The following HFM1 variants were observed in gnomAD, a reference collection of about 807,000 sequenced individuals.
HFM1 encodes the protein probable ATP-dependent DNA helicase HFM1.
In HFM1, 169 loss-of-function variants were observed where a neutral mutation model predicts 192.1. The observed-to-expected ratio is 0.88, with a 90% CI of 0.78 to 1.00. HFM1 has a LOEUF of 1.00. Ranked by LOEUF, HFM1 falls within the 50% of genes least tolerant of loss-of-function variation. The probability of loss-of-function intolerance (pLI) is 0.00; values close to 1 mark genes in which losing one functional copy is unlikely to be tolerated. For synonymous variants in HFM1, 525 were observed against 537.8 expected, an observed-to-expected ratio of 0.98 and a Z score of 0.33; for missense variants, 1,661 against 1,668.0, an observed-to-expected ratio of 1.00 and a Z score of 0.07.
chr1:91,335,542 G>A (rs534264925), intron 20 of HFM1, among the ~76,000 whole-genome samples: 1 of 152,178 alleles, frequency 6.6e-6, no homozygotes, highest in African/African-American at 2.4e-5. Context: ...TTAAAGATTT[G>A]CAAGTAAAGC....
intron 4 of HFM1, among the ~76,000 whole-genome samples, chr1:91,389,132 G>GTTTTTTTTTTTTTTTTTTTTTTT (rs34874992): frequency 1.2e-5 from 1 of 82,522 alleles, no homozygotes; most frequent in Non-Finnish European, 2.2e-5. Flanking sequence ...TTTTTGTTGG[G>GTTTTTTTTTTTTTTTTTTTTTTT]TTTTTTTTTT....
chr1:91,266,822 GC>G (rs1665812077), intron 35 of HFM1, among the ~76,000 whole-genome samples: 1 of 152,154 alleles, frequency 6.6e-6, no homozygotes, highest in Admixed American at 6.5e-5. Flanking sequence ...ACAAAATTGT[GC>G]CTAATGACCC....
intron 30 of HFM1, 44 bp from the exon 31 acceptor site, chr1:91,277,106 A>C: frequency 1.0e-6 from 1 of 960,956 alleles, no homozygotes. Context: ...CACTACATTT[A>C]TTATTGTTAA....
At chr1:91,295,064 T>C (rs1172588130) in intron 30 of HFM1, among the ~76,000 whole-genome samples, 1 of 152,182 alleles carries the variant, frequency 6.6e-6, no homozygotes, top group Non-Finnish European at 1.5e-5. Flanking sequence ...CTTTTGATGG[T>C]TGCACAATGA....
At chr1:91,371,085 TA>T (rs1345799222) in intron 13 of HFM1, among the ~76,000 whole-genome samples, 1 of 151,030 alleles carries the variant, frequency 6.6e-6, no homozygotes, top group Non-Finnish European at 1.5e-5. Context: ...CTCAAGGAAA[TA>T]AAAGAGGATA....
At chr1:91,372,243 T>C (rs1310370271) in intron 13 of HFM1, among the ~76,000 whole-genome samples, 2 of 152,216 alleles carry the variant, frequency 1.3e-5, no homozygotes, top group Non-Finnish European at 2.9e-5. Context: ...ACTGGGTATA[T>C]ACCCAAAGGA....
rs1468814585 is a variant in HFM1 at position 91,301,181 on chromosome 1, C to A, written c.3391+12168G>T. ...CAAATCATGAGTGAACTCCCATTCA[C>A]AATTGCTTCAAAGAGAATAAAATAC... On this transcript the variant is annotated intron_variant, in intron 30 of 38. Coordinates refer to ENST00000370425, the MANE Select transcript of HFM1 (RefSeq NM_001017975.6). Among the ~76,000 whole-genome samples, 3 of 151,810 alleles carry A rather than the reference C, an allele frequency of 2.0e-5. No individual in the cohort carries two copies. In the East Asian group the frequency reaches 5.9e-4, roughly 30 times the overall value.
intron 13 of HFM1, among the ~76,000 whole-genome samples, chr1:91,359,081 A>C (rs1323128979): frequency 1.3e-5 from 2 of 152,212 alleles, no homozygotes; most frequent in African/African-American, 4.8e-5. Flanking sequence ...ACAACAAAAA[A>C]GATCCCATAA....
chr1:91,285,999 G>GC (rs1328605497), intron 30 of HFM1, among the ~76,000 whole-genome samples: 1 of 152,068 alleles, frequency 6.6e-6, no homozygotes, highest in Admixed American at 6.5e-5. Context: ...CTTAGTAATG[G>GC]CCCCAAAGCA....
intron 4 of HFM1, 91 bp from the exon 5 acceptor site, chr1:91,385,925 C>T: frequency 9.8e-7 from 1 of 1,019,828 alleles, no homozygotes; most frequent in Admixed American, 2.3e-5. Context: ...CCCTTAAAAA[C>T]ACTCATAGAT....
intron 20 of HFM1, among the ~76,000 whole-genome samples, chr1:91,332,298 C>T (rs1653951223): frequency 6.6e-6 from 1 of 152,118 alleles, no homozygotes; most frequent in African/African-American, 2.4e-5. Context: ...AGAAAGAAAT[C>T]CACACACATC....
At position 91,266,120 on chromosome 1, in the gene HFM1, A is replaced by T. The variant is rs1240672962; in HGVS notation, c.3884-13T>A. On this transcript the variant is annotated splice_polypyrimidine_tract_variant and intron_variant, in intron 35 of 38. Coordinates refer to ENST00000370425, the MANE Select transcript of HFM1 (RefSeq NM_001017975.6). ...GTGTTTCCAAATCCTATGTGAAGAG[A>T]TAACATTTTGAAACAAAATGCCAAG... is the stretch of plus-strand genomic sequence containing the variant. 1 of 1,585,216 alleles carries T rather than the reference A, an allele frequency of 6.3e-7. No homozygotes were observed. The highest frequency in any genetic ancestry group is 1.2e-5 in the South Asian group (1 of 86,402).
At chr1:91,289,012 C>A (rs1281927481) in intron 30 of HFM1, among the ~76,000 whole-genome samples, 3 of 151,038 alleles carry the variant, frequency 2.0e-5, no homozygotes, top group Admixed American at 6.6e-5. Context: ...GGCTACCCCC[C>A]ACCTCCCGGA....
At chr1:91,383,975 GAAAAAAT>G (rs1393744704) in intron 6 of HFM1, among the ~76,000 whole-genome samples, 27 of 151,514 alleles carry the variant, frequency 1.8e-4, no homozygotes, top group Admixed American at 1.5e-3. Context: ...AAAGCTGGGG[GAAAAAAT>G]AAAAAATAAA....
chr1:91,369,253 T>C (rs571696883), intron 13 of HFM1, among the ~76,000 whole-genome samples: 2 of 152,226 alleles, frequency 1.3e-5, no homozygotes, highest in South Asian at 2.1e-4. Flanking sequence ...CCAGACCTAA[T>C]AGACATCTAC....
chr1:91,333,144 T>C (rs1004738899), intron 20 of HFM1, among the ~76,000 whole-genome samples: 1 of 152,222 alleles, frequency 6.6e-6, no homozygotes, highest in Non-Finnish European at 1.5e-5. Context: ...AAGAGGTATC[T>C]ACACTCTCAG....
At chr1:91,312,161 G>A (rs990518554) in intron 30 of HFM1, among the ~76,000 whole-genome samples, 2 of 152,212 alleles carry the variant, frequency 1.3e-5, no homozygotes, top group Admixed American at 6.5e-5. Flanking sequence ...CAATGTAGAA[G>A]AGAAATGTGG....
At chr1:91,315,665 T>C (rs994287075) in intron 28 of HFM1, 150 bp downstream of exon 28, 7 of 563,842 alleles carry the variant, frequency 1.2e-5, no homozygotes, top group African/African-American at 7.5e-5. Context: ...TCTTCTTTAA[T>C]AGAAAAATAG....
intron 1 of HFM1, among the ~76,000 whole-genome samples, chr1:91,402,729 C>G (rs898300807): frequency 6.6e-6 from 1 of 151,990 alleles, no homozygotes; most frequent in Admixed American, 6.5e-5. Flanking sequence ...AAACTATGTT[C>G]AAACAAAAGA....
Sources: gnomAD v4.1 joint callset for allele counts (sites outside exome capture counted in the v4.1 genomes callset) on GRCh38, gnomAD v4.1.1 for gene constraint, MANE v1.5 for transcripts, NCBI Gene and HGNC (gene_info 2026-07-23, HGNC 2026-07-21) for gene names.